Variants in CPAMD8 observed in about 807,000 individuals in gnomAD.
CPAMD8 encodes C3 and PZP-like alpha-2-macroglobulin domain-containing protein 8.
A neutral mutation model predicts 224.7 loss-of-function variants in CPAMD8; 146 were observed. The ratio of observed to expected loss-of-function variants is 0.65; its 90% CI spans 0.57 to 0.75. The LOEUF (loss-of-function observed/expected upper bound fraction) is 0.75, where lower values mean the gene tolerates loss of function less well. Ranked by LOEUF, CPAMD8 falls within the 30% of genes least tolerant of loss-of-function variation. The pLI, the probability that CPAMD8 is intolerant of heterozygous loss-of-function variation, is 0.00. For synonymous variants in CPAMD8, 966 were observed against 1,044.6 expected (o/e 0.92, Z 1.45); for missense variants, 2,301 against 2,537.5 (o/e 0.91, Z 2.00).
At position 16,945,747 on chromosome 19, in the gene CPAMD8, T is replaced by C; in HGVS notation, c.2663-68A>G. The C allele has an allele frequency of 3.6e-5, 52 of 1,453,778 alleles. 2 individuals are homozygous for C. The South Asian group carries it at 6.0e-4, about 17-fold the overall frequency. The allele number at this position is 1,453,778 out of a possible 1,614,324, so 90.1% of individuals were successfully genotyped here. ...CAAGATGGGGGCTGTCCCATCCCTATCCTTATCCCAGATGTGTGTGCATGC... is the reference window on the plus strand; with the variant it reads ...CAAGATGGGGGCTGTCCCATCCCTACCCTTATCCCAGATGTGTGTGCATGC... On this transcript the variant is annotated intron_variant, in intron 21 of 41. Coordinates refer to ENST00000443236, the MANE Select transcript of CPAMD8 (RefSeq NM_015692.5).
intron 13 of CPAMD8, among the ~76,000 whole-genome samples, chr19:16,984,929 C>T (rs2055661472): frequency 1.3e-5 from 2 of 152,156 alleles, no homozygotes; most frequent in African/African-American, 4.8e-5. Context: ...ATGTGTGATA[C>T]AATCATGCAG....
rs776937845 is a variant in CPAMD8, at chr19:16,976,011, A to G, written c.1899T>C (p.Thr633=). 1 of 1,594,754 alleles carries G rather than the reference A, an allele frequency of 6.3e-7. No homozygotes were observed. The highest frequency in any genetic ancestry group is 8.5e-7 in the Non-Finnish European group (1 of 1,169,748). ...VYLLRSGFRL[T]PAQVFQELED... ...CGAGGGGTCTGCTCACCTGGGCAGGAGTCAGCCGGAACCCAGACCTGAGCA... is the reference window on the plus strand; with the variant it reads ...CGAGGGGTCTGCTCACCTGGGCAGGGGTCAGCCGGAACCCAGACCTGAGCA... The change falls in exon 16 of 42, where the codon ACT becomes ACC. Residue 633 remains threonine, a synonymous_variant. Coordinates refer to ENST00000443236, the MANE Select transcript of CPAMD8 (RefSeq NM_015692.5).
At chr19:17,024,394 A>G (rs77048852) in intron 1 of CPAMD8, among the ~76,000 whole-genome samples, 1 of 152,256 alleles carries the variant, frequency 6.6e-6, no homozygotes, top group Non-Finnish European at 1.5e-5. Context: ...AGCACTGACC[A>G]GGACATGCAA....
chr19:16,918,121 AG>A (rs1344051445), intron 27 of CPAMD8, among the ~76,000 whole-genome samples: 1 of 151,888 alleles, frequency 6.6e-6, no homozygotes, highest in Non-Finnish European at 1.5e-5. Flanking sequence ...CAGCCTCCCG[AG>A]TAGCTGGGAC....
chr19:16,915,935 C>A lies in CPAMD8; in HGVS notation c.3630-1122G>T, dbSNP rs141996681. On this transcript the variant is annotated intron_variant, in intron 27 of 41. Transcript: ENST00000443236. ...TTCTCTCTCTCCTTCCTTTTTCTCT[C>A]TCTCTTTTCTTTCCTACTTTTCTTT... is the stretch of plus-strand genomic sequence containing the variant. 2.6e-3 allele frequency among the ~76,000 whole-genome samples: 382 copies of A among 149,574 alleles called. 2 individuals are homozygous for A. Among genetic ancestry groups the A allele is most frequent in the African/African-American group, 6.4e-3 (262 of 40,638 alleles).
chr19:16,974,376 T>C (rs2122683805), intron 17 of CPAMD8, among the ~76,000 whole-genome samples: 1 of 151,852 alleles, frequency 6.6e-6, no homozygotes, highest in South Asian at 2.1e-4. Flanking sequence ...GAGGATCACC[T>C]ATGCAGTTCA....
In CPAMD8 at chr19:16,929,084, A is replaced by G; in HGVS notation, c.3002T>C (p.Val1001Ala). Residue 1001 changes from valine to alanine, a missense_variant, in exon 24 of 42, where the codon GTC (valine) becomes GCC (alanine). By Grantham distance (64) the Val-to-Ala change is moderately conservative. Coordinates refer to ENST00000443236, the MANE Select transcript of CPAMD8 (RefSeq NM_015692.5). ...PQDTAGMIEIVLGGHQNTRSW... is the reference protein window; with the variant it reads ...PQDTAGMIEIALGGHQNTRSW... ...CCTGGTGTTCTGATGCCCCCCCAGG[A>G]CGATCTCGATCATGCCTGCTGTGTC... 1 of 1,614,102 alleles carries G rather than the reference A, an allele frequency of 6.2e-7. No homozygotes were observed. The highest frequency in any genetic ancestry group is 8.5e-7 in the Non-Finnish European group (1 of 1,179,994).
chr19:16,906,403 T>G (rs62128039), intron 30 of CPAMD8, among the ~76,000 whole-genome samples: 2 of 79,782 alleles, frequency 2.5e-5, no homozygotes, highest in Admixed American at 1.3e-4. Context: ...TCTTTCTTTC[T>G]TTCTTTCCTT....
In CPAMD8 at chr19:17,026,776, G is replaced by A. The variant is rs2057098530; in HGVS notation, c.-134C>T. ...TTCGCAGCCCCCGCGCAGTGCGCCC[G>A]GCGCCATGCGCCCCGCTCCGCGCCC... On this transcript the variant is annotated 5_prime_UTR_variant, in exon 1 of 42. Transcript: ENST00000443236. 8.7e-7 allele frequency: 1 copy of A among 1,143,184 alleles called. No individual in the cohort carries two copies. The allele number at this position is 1,143,184 out of a possible 1,614,324, so 70.8% of individuals were successfully genotyped here. A position where few individuals can be genotyped will look rare whatever the true frequency, so the allele number is the denominator to read the frequency against.
At chr19:17,007,477 G>A (rs1415089859) in intron 7 of CPAMD8, among the ~76,000 whole-genome samples, 1 of 151,608 alleles carries the variant, frequency 6.6e-6, no homozygotes, top group African/African-American at 2.4e-5. Context: ...GGAGGAGGAG[G>A]AGGGAGAATA....
At chr19:16,997,032 C>T in intron 11 of CPAMD8, 79 bp downstream of exon 11, 1 of 881,904 alleles carries the variant, frequency 1.1e-6, no homozygotes, top group African/African-American at 1.6e-5. Flanking sequence ...GCTGAGTCAC[C>T]ACTGCAGAGC....
At position 16,975,109 on chromosome 19, in the gene CPAMD8, C is replaced by T. The variant is rs2055210871; in HGVS notation, c.2058G>A (p.Gly686=). ...PWPWGITKDS[G]FAFTETGLVV... is the part of the protein sequence containing the mutation. ...CACCTCTCCTTACGGTGAAGGCAAA[C>T]CCAGAGTCCTTGGTGATGCCCCAAG... The change falls in exon 17 of 42, where the codon GGG becomes GGA. Residue 686 remains glycine (G), a synonymous_variant. Transcript: ENST00000443236. 1.2e-6 allele frequency: 2 copies of T among 1,612,312 alleles called. No individual in the cohort carries two copies. Among genetic ancestry groups the T allele is most frequent in the African/African-American group, 1.3e-5 (1 of 75,034 alleles).
At chr19:17,007,556 A>G (rs1361960846) in intron 7 of CPAMD8, among the ~76,000 whole-genome samples, 1 of 151,772 alleles carries the variant, frequency 6.6e-6, no homozygotes, top group Non-Finnish European at 1.5e-5. Context: ...AGAGGCTGAG[A>G]CCCAAGGCAG....
intron 18 of CPAMD8, 53 bp downstream of exon 18, chr19:16,970,838 A>C: frequency 6.4e-7 from 1 of 1,557,168 alleles, no homozygotes; most frequent in African/African-American, 1.4e-5. Flanking sequence ...GACAAGCCCC[A>C]GATGTTAATA....
intron 12 of CPAMD8, among the ~76,000 whole-genome samples, chr19:16,992,761 A>C (rs548303713): frequency 6.6e-6 from 1 of 152,132 alleles, no homozygotes; most frequent in Non-Finnish European, 1.5e-5. Flanking sequence ...CTCTACAGAA[A>C]AATTTAAAAA....
Position 16,977,487 on chromosome 19 carries a change from G to C in CPAMD8, c.1639C>G (p.Leu547Val), listed in dbSNP as rs1225043828. The change falls in exon 15 of 42, where the codon CTG (leucine) becomes GTG (valine). Residue 547 changes from leucine to valine, a missense_variant. Leu to Val is a conservative substitution (Grantham distance 32, BLOSUM62 1). Transcript: ENST00000443236. ...GGGACCATGCTGGGGGTCACGGCCAGATGAAGAGAGGTCACACACACGTCG... is the reference window on the plus strand; with the variant it reads ...GGGACCATGCTGGGGGTCACGGCCACATGAAGAGAGGTCACACACACGTCG... ...EVDVCVTSLH[L>V]AVTPSMVPLG... The C allele has an allele frequency of 1.9e-6, 3 of 1,612,160 alleles. No individual in the cohort carries two copies. The highest frequency in any genetic ancestry group is 1.7e-6 in the Non-Finnish European group (2 of 1,179,198).
Position 17,020,373 on chromosome 19 carries a change from G to A in CPAMD8, c.245-20C>T. On this transcript the variant is annotated intron_variant, in intron 2 of 41. Transcript: ENST00000443236. ...CTTTATCTAAAAATGAAAATAAAATGAAAAAAGTTAAATCAAGAGCTGTGT... is the reference window on the plus strand; with the variant it reads ...CTTTATCTAAAAATGAAAATAAAATAAAAAAAGTTAAATCAAGAGCTGTGT... The A allele has an allele frequency of 6.4e-7, 1 of 1,565,666 alleles. No individual in the cohort carries two copies. Among genetic ancestry groups the A allele is most frequent in the Admixed American group, 1.7e-5 (1 of 59,426 alleles).
chr19:17,007,954 G>A (rs1020772475), intron 7 of CPAMD8, among the ~76,000 whole-genome samples: 1 of 152,164 alleles, frequency 6.6e-6, no homozygotes, highest in Non-Finnish European at 1.5e-5. Context: ...GATCACCTGA[G>A]AGGTCAGGAG....
chr19:17,021,368 C>T (rs2056952448), intron 2 of CPAMD8, among the ~76,000 whole-genome samples: 1 of 152,140 alleles, frequency 6.6e-6, no homozygotes, highest in South Asian at 2.1e-4. Flanking sequence ...CTAGAAGCTT[C>T]CACATTTCCA....
Sources: gnomAD v4.1 joint callset for allele counts (sites outside exome capture counted in the v4.1 genomes callset) on GRCh38, gnomAD v4.1.1 for gene constraint, MANE v1.5 for transcripts, NCBI Gene and HGNC (gene_info 2026-07-23, HGNC 2026-07-21) for gene names.